LRMDA: variants seen among roughly 807,000 people sequenced by gnomAD.
The protein encoded by LRMDA is leucine rich melanocyte differentiation associated, also known as leucine-rich melanocyte differentiation-associated protein.
In LRMDA, 18 loss-of-function variants were observed where a neutral mutation model predicts 29.8. The observed-to-expected ratio is 0.60, with a 90% CI of 0.42 to 0.90. The LOEUF (loss-of-function observed/expected upper bound fraction) is 0.90, where lower values mean the gene tolerates loss of function less well. LRMDA is among the 40% of genes least tolerant of loss of function. The probability of loss-of-function intolerance (pLI) is 0.00; values close to 1 mark genes in which losing one functional copy is unlikely to be tolerated. For synonymous variants in LRMDA, 125 were observed against 109.4 expected (o/e 1.14, Z -0.89); for missense variants, 273 against 273.9 (o/e 1.00, Z 0.02).
At chr10:75,582,660 T>C (rs913955138) in intron 2 of LRMDA, among the ~76,000 whole-genome samples, 18 of 152,220 alleles carry the variant, frequency 1.2e-4, no homozygotes, top group African/African-American at 4.1e-4. Context: ...GATTAGCAAT[T>C]GCCTTCCCTT....
chr10:76,334,505 C>A (rs1488513075), intron 6 of LRMDA, among the ~76,000 whole-genome samples: 1 of 152,190 alleles, frequency 6.6e-6, no homozygotes, highest in Non-Finnish European at 1.5e-5. Flanking sequence ...TGGCTGCAAA[C>A]GGACTGAAAT....
chr10:75,995,795 T>A (rs1421575547), intron 2 of LRMDA, among the ~76,000 whole-genome samples: 2 of 152,186 alleles, frequency 1.3e-5, no homozygotes, highest in East Asian at 3.9e-4. Flanking sequence ...GATGTGTGGG[T>A]CACTTTCTGA....
At position 76,460,088 on chromosome 10, in the gene LRMDA, C is replaced by T. The variant is rs938355733; in HGVS notation, c.602-97121C>T. 5.7e-4 allele frequency among the ~76,000 whole-genome samples: 86 copies of T among 152,194 alleles called. 1 individual carries two copies. The highest frequency in any genetic ancestry group is 2.0e-3 in the African/African-American group (84 of 41,514). On this transcript the variant is annotated intron_variant, in intron 6 of 6. Coordinates refer to ENST00000611255, the MANE Select transcript of LRMDA (RefSeq NM_001305581.2). ...TGTTCAAAGCCTTTCATAATGTGTC[C>T]CCTATTTAGTGACTGGCCTGTGACA...
At position 75,675,688 on chromosome 10, in the gene LRMDA, C is replaced by G. The variant is rs1841950853; in HGVS notation, c.131+237194C>G. On this transcript the variant is annotated intron_variant, in intron 2 of 6. Coordinates refer to ENST00000611255, the MANE Select transcript of LRMDA (RefSeq NM_001305581.2). ...CTGATTATAAAATGAAAAGGTCGCACCAGAAATCTATTGTTCAACTTTTTT... is the reference window on the plus strand; with the variant it reads ...CTGATTATAAAATGAAAAGGTCGCAGCAGAAATCTATTGTTCAACTTTTTT... Among the ~76,000 whole-genome samples the G allele has an allele frequency of 2.8e-5, 4 of 142,950 alleles. No homozygotes were observed. The South Asian group carries it at 9.6e-4, about 34-fold the overall frequency. The allele number at this position is 142,950 out of a possible 152,430, so 93.8% of individuals were successfully genotyped here.
intron 6 of LRMDA, among the ~76,000 whole-genome samples, chr10:76,472,516 AAAACT>A (rs1350006965): frequency 6.6e-6 from 1 of 151,756 alleles, no homozygotes; most frequent in Non-Finnish European, 1.5e-5. Flanking sequence ...AAAACAAGAG[AAAACT>A]AAACTCAAAG....
chr10:76,189,633 A>G (rs1250191169), intron 5 of LRMDA, among the ~76,000 whole-genome samples: 2 of 152,230 alleles, frequency 1.3e-5, no homozygotes, highest in African/African-American at 4.8e-5. Flanking sequence ...GCAGAGTGAC[A>G]GATGTCATGT....
chr10:75,618,753 A>C (rs1293966577), intron 2 of LRMDA, among the ~76,000 whole-genome samples: 2 of 146,936 alleles, frequency 1.4e-5, no homozygotes, highest in Admixed American at 1.4e-4. Flanking sequence ...TAAGGAAATC[A>C]TAAGGAAGAG....
intron 2 of LRMDA, among the ~76,000 whole-genome samples, chr10:75,790,712 G>A (rs74968881): frequency 0.013 from 2,030 of 152,296 alleles, 52 homozygotes; most frequent in African/African-American, 0.047. Flanking sequence ...TACATTTTGT[G>A]GAGAACGTGA....
At chr10:76,303,952 A>T (rs535734010) in intron 5 of LRMDA, among the ~76,000 whole-genome samples, 60 of 152,170 alleles carry the variant, frequency 3.9e-4, no homozygotes, top group African/African-American at 1.3e-3. Flanking sequence ...GCTGTGTGAC[A>T]AGAAGGCCTC....
chr10:76,339,574 A>G (rs1841011893), intron 6 of LRMDA, among the ~76,000 whole-genome samples: 1 of 152,040 alleles, frequency 6.6e-6, no homozygotes, highest in Admixed American at 6.5e-5. Context: ...GGACTTAATA[A>G]AATAAAAACA....
rs533058442 is a variant in LRMDA, at chr10:76,305,147, A to G, written c.517-19254A>G. ...AATCTGTCTGTGCAAGTGCACTTGC[A>G]GGATAAACCCAGGAGCTGGAGAAAG... On this transcript the variant is annotated intron_variant, in intron 5 of 6. Coordinates refer to ENST00000611255, the MANE Select transcript of LRMDA (RefSeq NM_001305581.2). Among the ~76,000 whole-genome samples, 5 of 152,334 alleles carry G rather than the reference A, an allele frequency of 3.3e-5. No homozygotes were observed. In the South Asian group the frequency reaches 1.0e-3, roughly 32 times the overall value.
intron 2 of LRMDA, among the ~76,000 whole-genome samples, chr10:75,798,260 G>A (rs2132258434): frequency 6.6e-6 from 1 of 152,074 alleles, no homozygotes; most frequent in South Asian, 2.1e-4. Context: ...CTCCCAGCCT[G>A]TGGGTTATCT....
chr10:75,511,536 G>A (rs1476329036), intron 2 of LRMDA, among the ~76,000 whole-genome samples: 1 of 152,176 alleles, frequency 6.6e-6, no homozygotes, highest in Non-Finnish European at 1.5e-5. Context: ...GACCCCATGT[G>A]TCTCTTTGTA....
chr10:76,360,290 A>G (rs1387910684), intron 6 of LRMDA, among the ~76,000 whole-genome samples: 11 of 151,898 alleles, frequency 7.2e-5, no homozygotes. Flanking sequence ...GCCCAGCCCT[A>G]GTGGCATTTC....
chr10:76,330,798 A>G (rs1224424125), intron 6 of LRMDA, among the ~76,000 whole-genome samples: 1 of 152,286 alleles, frequency 6.6e-6, no homozygotes, highest in South Asian at 2.1e-4. Context: ...TTAGATTTCT[A>G]CTATCTTTTC....
chr10:75,908,682 G>A (rs145637158), intron 2 of LRMDA, among the ~76,000 whole-genome samples: 2 of 152,290 alleles, frequency 1.3e-5, no homozygotes, highest in African/African-American at 2.4e-5. Flanking sequence ...ACAGTGGAGC[G>A]TTGTTGCTGG....
intron 2 of LRMDA, among the ~76,000 whole-genome samples, chr10:75,968,104 T>C (rs1392542134): frequency 6.6e-6 from 1 of 151,792 alleles, no homozygotes; most frequent in Non-Finnish European, 1.5e-5. Context: ...GGCTCTGCAG[T>C]GGGAGTGCTC....
At chr10:75,803,930 C>T (rs1420054429) in intron 2 of LRMDA, among the ~76,000 whole-genome samples, 1 of 152,216 alleles carries the variant, frequency 6.6e-6, no homozygotes, top group Non-Finnish European at 1.5e-5. Context: ...ATCTGCTGAC[C>T]CATTCGCTGC....
chr10:76,463,547 G>A (rs1311364829), intron 6 of LRMDA, among the ~76,000 whole-genome samples: 1 of 152,154 alleles, frequency 6.6e-6, no homozygotes, highest in African/African-American at 2.4e-5. Flanking sequence ...CCAGGGCAAA[G>A]CAACATGGCT....
Sources: gnomAD v4.1 joint callset for allele counts (sites outside exome capture counted in the v4.1 genomes callset) on GRCh38, gnomAD v4.1.1 for gene constraint, MANE v1.5 for transcripts, NCBI Gene and HGNC (gene_info 2026-07-23, HGNC 2026-07-21) for gene names.